Variants in KCNG2 observed in about 807,000 individuals in gnomAD.
The protein encoded by KCNG2 is voltage-gated potassium channel regulatory subunit KCNG2.
KCNG2 carries 7 observed loss-of-function variants against 12.3 expected under a neutral mutation model. That is an observed-to-expected ratio of 0.57 (90% CI 0.32 to 1.07). The LOEUF is 1.07. Among genes scored for constraint, KCNG2 ranks in the 50% least tolerant of loss-of-function variants. The pLI is 0.04. For missense variants in KCNG2, 703 were observed against 726.0 expected, an observed-to-expected ratio of 0.97 and a Z score of 0.36; for synonymous variants, 414 against 351.4, an observed-to-expected ratio of 1.18 and a Z score of -1.99.
intron 1 of KCNG2, among the ~76,000 whole-genome samples, chr18:79,821,034 C>A (rs2087566252): frequency 6.6e-6 from 1 of 152,162 alleles, no homozygotes; most frequent in African/African-American, 2.4e-5. Flanking sequence ...AAGCCCTTAT[C>A]AGATATGTGA....
At chr18:79,866,886 TCC>T (rs1979601246) in intron 3 of KCNG2, among the ~76,000 whole-genome samples, 1 of 96,438 alleles carries the variant, frequency 1.0e-5, no homozygotes. Context: ...TGCTGAGAGG[TCC>T]GTGTGCTGAG....
chr18:79,873,545 C>T (rs898689683), intron 3 of KCNG2, among the ~76,000 whole-genome samples: 3 of 151,978 alleles, frequency 2.0e-5, no homozygotes, highest in African/African-American at 7.2e-5. Flanking sequence ...GTCGGGGAGC[C>T]GGCCCTAGCT....
Position 79,806,321 on chromosome 18 carries a change from C to T in KCNG2, c.-115+8307C>T, listed in dbSNP as rs74832398. Among the ~76,000 whole-genome samples the T allele has an allele frequency of 1.8e-4, 28 of 152,136 alleles. No homozygotes were observed. In the East Asian group the frequency reaches 4.1e-3, roughly 22 times the overall value. ...TGTGTCGGGGGTCGGGGCATGGGGC[C>T]ATCGGGAAGCCCCCTGAGCATTCAT... On this transcript the variant is annotated intron_variant, in intron 1 of 3. Coordinates refer to ENST00000316249, the MANE Select transcript of KCNG2 (RefSeq NM_012283.2).
intron 3 of KCNG2, among the ~76,000 whole-genome samples, chr18:79,888,344 G>A (rs35436933): frequency 6.6e-6 from 1 of 151,546 alleles, no homozygotes; most frequent in African/African-American, 2.4e-5. Flanking sequence ...TCGGCCCTGA[G>A]GCTGCAGGGG....
rs1378333573 is a variant in KCNG2 at position 79,822,234 on chromosome 18, C to T, written c.-115+24220C>T. Among the ~76,000 whole-genome samples, 2 of 152,118 alleles carry T rather than the reference C, an allele frequency of 1.3e-5. No individual in the cohort carries two copies. Among genetic ancestry groups the T allele is most frequent in the African/African-American group, 2.4e-5 (1 of 41,410 alleles). On this transcript the variant is annotated intron_variant, in intron 1 of 3. Transcript: ENST00000316249. The surrounding 1 kb of genome is among the most constrained non-coding windows in gnomAD (Gnocchi z 4.4). ...GTTCCCATGTCTCCCACCCAGCTTC[C>T]TCCAGTGTTGGCAGAATGGTCCAGA...
Position 79,863,766 on chromosome 18 carries a change from C to G in KCNG2, c.99C>G (p.Ala33=), listed in dbSNP as rs1462584151. ...GCTGCCGCGTGCGCCTGGCATGGGC[C>G]GCGCTGGCGCGATGCCCCCTCGCGC... The part of the protein sequence containing the change: ...VGGCRVRLAW[A]ALARCPLARL... The change falls in exon 3 of 4, where the codon GCC becomes GCG. Residue 33 remains alanine (A), a synonymous_variant. Coordinates refer to ENST00000316249, the MANE Select transcript of KCNG2 (RefSeq NM_012283.2). 16 of 1,236,858 alleles carry G rather than the reference C, an allele frequency of 1.3e-5. No homozygotes were observed. Among genetic ancestry groups the G allele is most frequent in the Non-Finnish European group, 1.3e-5 (13 of 985,664 alleles). The allele number at this position is 1,236,858 out of a possible 1,614,324, so 76.6% of individuals were successfully genotyped here. A position where few individuals can be genotyped will look rare whatever the true frequency, so the allele number is the denominator to read the frequency against.
chr18:79,827,413 G>T (rs1232192061), intron 1 of KCNG2, among the ~76,000 whole-genome samples: 1 of 152,236 alleles, frequency 6.6e-6, no homozygotes, highest in Non-Finnish European at 1.5e-5. Context: ...TTAGGTAGGA[G>T]AGGTCATCTG....
In KCNG2 at chr18:79,884,191, C is replaced by T. The variant is rs1453793810; in HGVS notation, c.625-14849C>T. Among the ~76,000 whole-genome samples, 3 of 152,154 alleles carry T rather than the reference C, an allele frequency of 2.0e-5. No individual in the cohort carries two copies. The highest frequency in any genetic ancestry group is 4.4e-5 in the Non-Finnish European group (3 of 68,012). On this transcript the variant is annotated intron_variant, in intron 3 of 3. Transcript: ENST00000316249. The surrounding 1 kb of genome is among the most constrained non-coding windows in gnomAD (Gnocchi z 5.5). ...TCAGCTCCCCAGCACAGCACAGAAG[C>T]TGCAGGGGCTCCGTCCCCATGCCCC...
chr18:79,843,675 AAG>A (rs1484667273), intron 1 of KCNG2, among the ~76,000 whole-genome samples: 1 of 152,244 alleles, frequency 6.6e-6, no homozygotes, highest in Admixed American at 6.5e-5. Flanking sequence ...TTACAACTAA[AAG>A]ATATTTTATG....
chr18:79,875,602 C>T (rs575506682), intron 3 of KCNG2, among the ~76,000 whole-genome samples: 6 of 152,212 alleles, frequency 3.9e-5, no homozygotes, highest in Admixed American at 6.5e-5. Flanking sequence ...CCACCCTACA[C>T]GGTGGCACCA....
chr18:79,834,994 C>T (rs954826497), intron 1 of KCNG2, among the ~76,000 whole-genome samples: 2 of 152,234 alleles, frequency 1.3e-5, no homozygotes, highest in Admixed American at 6.5e-5. Flanking sequence ...CCCATGGTGT[C>T]GGCCACCCAT....
intron 3 of KCNG2, among the ~76,000 whole-genome samples, chr18:79,898,390 A>T (rs1443497839): frequency 6.6e-6 from 1 of 152,190 alleles, no homozygotes; most frequent in East Asian, 1.9e-4. Flanking sequence ...CTGCCTTCTC[A>T]GTGTGCCACA....
Position 79,864,300 on chromosome 18 carries a change from G to A in KCNG2, c.624+9G>A, listed in dbSNP as rs1979365347. ...GCGCCGAGGAGGAGCGGGTGAGCGC[G>A]GCCGGGGGTGGCGGGGACCGGGCCG... On this transcript the variant is annotated intron_variant, in intron 3 of 3. Transcript: ENST00000316249. The A allele has an allele frequency of 6.6e-7, 1 of 1,519,344 alleles. No individual in the cohort carries two copies. The highest frequency in any genetic ancestry group is 8.8e-7 in the Non-Finnish European group (1 of 1,139,844). 94.1% of individuals were successfully genotyped at this position (1,519,344 alleles called of 1,614,324 possible). A position where few individuals can be genotyped will look rare whatever the true frequency, so the allele number is the denominator to read the frequency against.
chr18:79,877,871 G>A (rs922581855), intron 3 of KCNG2, among the ~76,000 whole-genome samples: 7 of 152,244 alleles, frequency 4.6e-5, no homozygotes, highest in Admixed American at 2.6e-4. Context: ...TTTCAAAGGC[G>A]GCTGGTCACG....
Position 79,899,771 on chromosome 18 carries a change from G to C in KCNG2, c.1356G>C (p.Leu452=). ...DSSQGPDSAG[L]ADDSADALWV... ...CGCAGGGCCCCGACAGCGCGGGCCTGGCCGACGACTCCGCGGATGCGCTGT... is the reference window on the plus strand; with the variant it reads ...CGCAGGGCCCCGACAGCGCGGGCCTCGCCGACGACTCCGCGGATGCGCTGT... Residue 452 remains leucine, a synonymous_variant, in exon 4 of 4, where the codon CTG becomes CTC. Coordinates refer to ENST00000316249, the MANE Select transcript of KCNG2 (RefSeq NM_012283.2). The C allele has an allele frequency of 6.7e-7, 1 of 1,502,460 alleles. No homozygotes were observed. The highest frequency in any genetic ancestry group is 8.8e-7 in the Non-Finnish European group (1 of 1,134,848). The allele number at this position is 1,502,460 out of a possible 1,614,324, so 93.1% of individuals were successfully genotyped here.
intron 3 of KCNG2, among the ~76,000 whole-genome samples, chr18:79,896,581 T>C (rs1447866538): frequency 6.6e-6 from 1 of 152,270 alleles, no homozygotes; most frequent in Non-Finnish European, 1.5e-5. Flanking sequence ...GCAAGCTTAA[T>C]ACGTTATATA....
At chr18:79,876,651 G>T (rs1980084169) in intron 3 of KCNG2, among the ~76,000 whole-genome samples, 1 of 152,212 alleles carries the variant, frequency 6.6e-6, no homozygotes, top group African/African-American at 2.4e-5. Flanking sequence ...TGCCCTGAGG[G>T]CAGGGCCAGC....
intron 2 of KCNG2, among the ~76,000 whole-genome samples, chr18:79,861,048 A>G (rs62103174): frequency 0.46 from 69,747 of 151,966 alleles, 18,536 homozygotes; most frequent in Middle Eastern, 0.6. Flanking sequence ...ACTTCGTCAA[A>G]TCCTTTTTCT....
At chr18:79,857,913 A>G (rs1009093819) in intron 2 of KCNG2, among the ~76,000 whole-genome samples, 2 of 152,180 alleles carry the variant, frequency 1.3e-5, no homozygotes, top group Admixed American at 1.3e-4. Flanking sequence ...AGCCATTAGC[A>G]GTCACTCCCC....
Sources: gnomAD v4.1 joint callset for allele counts (sites outside exome capture counted in the v4.1 genomes callset) on GRCh38, gnomAD v4.1.1 for gene constraint, Gnocchi (gnomAD v3.1) non-coding constraint, MANE v1.5 for transcripts, NCBI Gene and HGNC (gene_info 2026-07-23, HGNC 2026-07-21) for gene names.